The following NOL4L variants were observed in gnomAD, a reference collection of about 807,000 sequenced individuals.
The protein encoded by NOL4L is nucleolar protein 4-like.
A neutral mutation model predicts 64.5 loss-of-function variants in NOL4L; 7 were observed. That is an observed-to-expected ratio of 0.11 (90% CI 0.06 to 0.20). The LOEUF (loss-of-function observed/expected upper bound fraction) is 0.20. Among genes scored for constraint, NOL4L ranks in the 10% least tolerant of loss-of-function variants. The pLI is 1.00. For missense variants in NOL4L, 680 were observed against 967.1 expected (o/e 0.70, Z 3.94); for synonymous variants, 413 against 401.0 (o/e 1.03, Z -0.36).
chr20:32,447,662 C>T lies in NOL4L; in HGVS notation c.1977G>A (p.Arg659=). 5 of 1,612,104 alleles carry T rather than the reference C, an allele frequency of 3.1e-6. No individual in the cohort carries two copies. The highest frequency in any genetic ancestry group is 2.2e-5 in the East Asian group (1 of 44,878). The change falls in exon 11 of 11, where the codon CGG becomes CGA. Residue 659 remains arginine (R), a synonymous_variant. Transcript: ENST00000621426. ...AGCGCAGCAGGAAGGCAGCAGACTC[C>T]CGGTAGCCCGCGATGAGCTGCCGCA... ...SAVRQLIAGY[R]ESAAFLLRSA...
chr20:32,523,954 C>T (rs992925880), intron 2 of NOL4L, among the ~76,000 whole-genome samples: 8 of 152,174 alleles, frequency 5.3e-5, no homozygotes, highest in Non-Finnish European at 1.0e-4. Flanking sequence ...CACCACTTTA[C>T]AAGATCCTCC....
intron 1 of NOL4L, 148 bp from the exon 2 acceptor site, chr20:32,528,061 T>G: frequency 2.4e-6 from 1 of 421,148 alleles, no homozygotes; most frequent in Non-Finnish European, 4.0e-6. Flanking sequence ...CCGAGGGGGC[T>G]CCCTGGAGGG....
At chr20:32,470,449 GCTGGAGGC>G (rs1344127065) in intron 5 of NOL4L, among the ~76,000 whole-genome samples, 18 of 152,268 alleles carry the variant, frequency 1.2e-4, no homozygotes, top group Non-Finnish European at 2.2e-4. Flanking sequence ...TGTGCTGGGT[GCTGGAGGC>G]CTGGCTCTCA....
At chr20:32,552,516 GTC>G (rs1294274648) in intron 1 of NOL4L, among the ~76,000 whole-genome samples, 1 of 152,108 alleles carries the variant, frequency 6.6e-6, no homozygotes, top group Non-Finnish European at 1.5e-5. Context: ...GCGAAACTCT[GTC>G]TCTACTAAAA....
At chr20:32,539,678 C>G (rs1267207319) in intron 1 of NOL4L, among the ~76,000 whole-genome samples, 1 of 152,186 alleles carries the variant, frequency 6.6e-6, no homozygotes, top group Non-Finnish European at 1.5e-5. Context: ...TCCCTTCTGT[C>G]TCTCTTCTTA....
At chr20:32,565,627 C>T (rs1979381774) in intron 1 of NOL4L, among the ~76,000 whole-genome samples, 1 of 152,194 alleles carries the variant, frequency 6.6e-6, no homozygotes, top group Non-Finnish European at 1.5e-5. Context: ...AACTTACCCT[C>T]TCTGTAAACT....
At position 32,562,296 on chromosome 20, in the gene NOL4L, C is replaced by G. The variant is rs141121018; in HGVS notation, c.321+22274G>C. On this transcript the variant is annotated intron_variant, in intron 1 of 10. Coordinates refer to ENST00000621426, the MANE Select transcript of NOL4L (RefSeq NM_001256798.2). ...CCGGCTTCACTGTCTCAGCCACTAT[C>G]TCAACCTCCCCGATTAGCAGTGCTG... Among the ~76,000 whole-genome samples the G allele has an allele frequency of 3.3e-5, 5 of 152,322 alleles. No individual in the cohort carries two copies. The East Asian group carries it at 9.7e-4, about 29-fold the overall frequency.
intron 1 of NOL4L, among the ~76,000 whole-genome samples, chr20:32,558,882 A>G (rs985551514): frequency 6.6e-6 from 1 of 152,214 alleles, no homozygotes; most frequent in Non-Finnish European, 1.5e-5. Flanking sequence ...AGGCCAAAGC[A>G]AGAGCCACTG....
At chr20:32,484,104 CA>C (rs1461038887) in intron 4 of NOL4L, among the ~76,000 whole-genome samples, 1 of 152,034 alleles carries the variant, frequency 6.6e-6, no homozygotes, top group Non-Finnish European at 1.5e-5. Context: ...AGACTTGGCC[CA>C]AATAAAGTGA....
intron 4 of NOL4L, chr20:32,510,222 C>T: frequency 5.6e-6 from 2 of 355,200 alleles, no homozygotes; most frequent in Non-Finnish European, 1.1e-5. Flanking sequence ...ACAGTTCTAG[C>T]AAACAGTTCT....
In NOL4L at chr20:32,469,237, G is replaced by A. The variant is rs541439264; in HGVS notation, c.841+5364C>T. On this transcript the variant is annotated intron_variant, in intron 5 of 10. Transcript: ENST00000621426. The stretch of plus-strand genomic sequence containing the variant: ...CCAATGACTATGTGAGAAAAAAGGC[G>A]CCAATACTGCCTCATTGAAAAGAAA... 5.9e-5 allele frequency among the ~76,000 whole-genome samples: 9 copies of A among 152,242 alleles called. No homozygotes were observed. In the South Asian group the frequency reaches 1.7e-3, roughly 28 times the overall value.
intron 10 of NOL4L, 90 bp from the exon 11 acceptor site, chr20:32,447,906 G>T: frequency 6.9e-7 from 1 of 1,453,618 alleles, no homozygotes; most frequent in Non-Finnish European, 9.1e-7. Flanking sequence ...ATAACCTATG[G>T]CCTAGTGCCC....
chr20:32,482,202 T>G (rs1410304228), intron 4 of NOL4L, among the ~76,000 whole-genome samples: 1 of 152,166 alleles, frequency 6.6e-6, no homozygotes, highest in East Asian at 1.9e-4. Context: ...GGTTTGTGGC[T>G]TCTCCATTGA....
At chr20:32,571,866 C>T (rs575745164) in intron 1 of NOL4L, among the ~76,000 whole-genome samples, 3 of 152,376 alleles carry the variant, frequency 2.0e-5, no homozygotes, top group South Asian at 2.1e-4. Context: ...CTCCCAGCCT[C>T]GGCTGATGTG....
At chr20:32,572,133 C>A (rs1362403715) in intron 1 of NOL4L, among the ~76,000 whole-genome samples, 1 of 152,200 alleles carries the variant, frequency 6.6e-6, no homozygotes, top group Non-Finnish European at 1.5e-5. Context: ...ATTTAAGGAG[C>A]TGAGGACACA....
intron 4 of NOL4L, among the ~76,000 whole-genome samples, chr20:32,499,144 T>G (rs902080073): frequency 4.6e-5 from 7 of 152,158 alleles, no homozygotes. Context: ...CCCAAAGTGC[T>G]GGGATTACAG....
chr20:32,468,078 G>GATGT (rs2014702630), intron 5 of NOL4L, among the ~76,000 whole-genome samples: 1 of 152,198 alleles, frequency 6.6e-6, no homozygotes, highest in Non-Finnish European at 1.5e-5. Context: ...CCAGGATGAG[G>GATGT]GGCCACAGCC....
chr20:32,503,231 G>A (rs565987848), intron 4 of NOL4L, among the ~76,000 whole-genome samples: 30 of 152,314 alleles, frequency 2.0e-4, no homozygotes, highest in Non-Finnish European at 3.7e-4. Flanking sequence ...ACAGGATGAA[G>A]GTTTGGGCTA....
At chr20:32,454,947 G>A (rs2013333338) in intron 6 of NOL4L, among the ~76,000 whole-genome samples, 1 of 152,174 alleles carries the variant, frequency 6.6e-6, no homozygotes, top group Non-Finnish European at 1.5e-5. Flanking sequence ...GACCAGGCCC[G>A]CAGGGGTTGG....
Sources: allele counts gnomAD v4.1 joint callset (sites outside exome capture counted in the v4.1 genomes callset), GRCh38; gene constraint gnomAD v4.1.1; transcripts MANE v1.5; gene names NCBI Gene and HGNC (gene_info 2026-07-23, HGNC 2026-07-21).